Variants in SLC35D3 observed in about 807,000 individuals in gnomAD.
SLC35D3 encodes frc, fringe-like 1.
In SLC35D3, 18 loss-of-function variants were observed where a neutral mutation model predicts 20.3. The ratio of observed to expected loss-of-function variants is 0.89; its 90% confidence interval spans 0.61 to 1.32. The LOEUF (loss-of-function observed/expected upper bound fraction) is 1.32, where lower values mean the gene tolerates loss of function less well. Ranked by LOEUF, SLC35D3 falls within the 40% of genes most tolerant of loss-of-function variation. SLC35D3 has a pLI of 0.00. For synonymous variants in SLC35D3, 313 were observed against 263.5 expected (o/e 1.19, Z -1.82); for missense variants, 556 against 565.5 (o/e 0.98, Z 0.17).
chr6:136,922,912 C>T lies in SLC35D3; in HGVS notation c.439+45C>T, dbSNP rs1237070317. 6.8e-7 allele frequency: 1 copy of T among 1,477,928 alleles called. No homozygotes were observed. The highest frequency in any genetic ancestry group is 8.9e-7 in the Non-Finnish European group (1 of 1,121,884). The allele number at this position is 1,477,928 out of a possible 1,614,324, so 91.6% of individuals were successfully genotyped here. ...GACCCCCAGCCGACCCCACCCACCC[C>T]GCTCCGTCGGGCAGAGACCGCGGGG... On this transcript the variant is annotated intron_variant, in intron 1 of 1. Coordinates refer to ENST00000331858, the MANE Select transcript of SLC35D3 (RefSeq NM_001008783.3). This position sits in a 1 kb window ranked among gnomAD's most constrained non-coding sequence, Gnocchi z 6.8.
In SLC35D3 at chr6:136,924,460, G is replaced by A. The variant is rs766833837; in HGVS notation, c.1015G>A (p.Gly339Arg). ...GCCGTTCGTGATGGAGGAGCTGCCCGGGGAGGGAGGAAATGGCCGGTCAGA... is the reference window on the plus strand; with the variant it reads ...GCCGTTCGTGATGGAGGAGCTGCCCAGGGAGGGAGGAAATGGCCGGTCAGA... The part of the protein sequence containing the change: ...QLPFVMEELP[G>R]EGGNGRSEGG... Residue 339 changes from glycine (G) to arginine (R), a missense_variant, in exon 2 of 2, where the codon GGG becomes AGG. Coordinates refer to ENST00000331858, the MANE Select transcript of SLC35D3 (RefSeq NM_001008783.3). The A allele has an allele frequency of 5.0e-6, 8 of 1,613,746 alleles. No homozygotes were observed. Among genetic ancestry groups the A allele is most frequent in the Non-Finnish European group, 6.8e-6 (8 of 1,179,842 alleles).
rs1351893353 is a variant in SLC35D3 at position 136,922,982 on chromosome 6, CAG to C, written c.439+122_439+123del. On this transcript the variant is annotated intron_variant, in intron 1 of 1. Coordinates refer to ENST00000331858, the MANE Select transcript of SLC35D3 (RefSeq NM_001008783.3). This position sits in a 1 kb window ranked among gnomAD's most constrained non-coding sequence, Gnocchi z 6.8. ...TCACTTCCAGATGGGGAGACTGAGG[CAG>C]AGAGAGCCGGAGAGCTTTGAGAGTG... is the stretch of plus-strand genomic sequence containing the variant. 2 of 1,163,152 alleles carry C rather than the reference CAG, an allele frequency of 1.7e-6. No homozygotes were observed. Among genetic ancestry groups the C allele is most frequent in the Non-Finnish European group, 2.3e-6 (2 of 853,948 alleles). The allele number at this position is 1,163,152 out of a possible 1,614,324, so 72.1% of individuals were successfully genotyped here.
In SLC35D3 at chr6:136,923,067, A is replaced by G. The variant is rs1776085038; in HGVS notation, c.439+200A>G. ...CCAGAGAGCTCCCCAGCGCCCCACCAAGTCCCCCTGCCCCCTAATGTCCTG... is the reference window on the plus strand; with the variant it reads ...CCAGAGAGCTCCCCAGCGCCCCACCGAGTCCCCCTGCCCCCTAATGTCCTG... On this transcript the variant is annotated intron_variant, in intron 1 of 1. Transcript: ENST00000331858. This position sits in a 1 kb window ranked among gnomAD's most constrained non-coding sequence, Gnocchi z 6.2. 6.7e-6 allele frequency among the ~76,000 whole-genome samples: 1 copy of G among 149,888 alleles called. No homozygotes were observed. Among genetic ancestry groups the G allele is most frequent in the South Asian group, 2.2e-4 (1 of 4,620 alleles).
rs368466205 is a variant in SLC35D3 at position 136,924,695 on chromosome 6, G to T, written c.1250G>T (p.Ter417LeuextTer17). The T allele has an allele frequency of 1.2e-6, 2 of 1,606,956 alleles. No homozygotes were observed. The highest frequency in any genetic ancestry group is 1.3e-5 in the African/African-American group (1 of 74,816). ...GAAAACGAGGAGTTACCCAGTCCTT[G>T]AGAAGGAGGTGCATGTACGTACCTA... ...LIENEELPSP[*>L] Residue 417 changes from the stop codon to leucine (L), a stop_lost, in exon 2 of 2, where the codon TGA (stop) becomes TTA (leucine). Coordinates refer to ENST00000331858, the MANE Select transcript of SLC35D3 (RefSeq NM_001008783.3).
rs1582791572 is a variant in SLC35D3 at position 136,925,418 on chromosome 6, T to C, written c.*722T>C. The C allele has an allele frequency of 6.5e-6, 1 of 152,716 alleles. No individual in the cohort carries two copies. The highest frequency in any genetic ancestry group is 1.9e-4 in the East Asian group (1 of 5,190). The allele number at this position is 152,716 out of a possible 1,614,324, so 9.5% of individuals were successfully genotyped here. ...ATTATTGAATGCCAAACCTGTTCTT[T>C]TTTTTACTGTGTCCAATATTCTTTC... On this transcript the variant is annotated 3_prime_UTR_variant, in exon 2 of 2. Coordinates refer to ENST00000331858, the MANE Select transcript of SLC35D3 (RefSeq NM_001008783.3).
chr6:136,923,495 T>C lies in SLC35D3; in HGVS notation c.440-390T>C, dbSNP rs1373011679. 6.6e-6 allele frequency among the ~76,000 whole-genome samples: 1 copy of C among 152,132 alleles called. No homozygotes were observed. The highest frequency in any genetic ancestry group is 1.5e-5 in the Non-Finnish European group (1 of 68,014). ...GCAGGCCACTGGCTGGGGCTCCCTC[T>C]CCCTTTGGTGCCCCACGGGGCAGGG... is the stretch of plus-strand genomic sequence containing the variant. On this transcript the variant is annotated intron_variant, in intron 1 of 1. Coordinates refer to ENST00000331858, the MANE Select transcript of SLC35D3 (RefSeq NM_001008783.3). This position sits in a 1 kb window ranked among gnomAD's most constrained non-coding sequence, Gnocchi z 6.2.
Position 136,922,676 on chromosome 6 carries a change from T to C in SLC35D3, c.248T>C (p.Val83Ala). The C allele has an allele frequency of 1.2e-6, 2 of 1,605,074 alleles. No individual in the cohort carries two copies. Among genetic ancestry groups the C allele is most frequent in the Non-Finnish European group, 1.7e-6 (2 of 1,177,540 alleles). The change falls in exon 1 of 2, where the codon GTG (valine) becomes GCG (alanine). Residue 83 changes from valine to alanine, a missense_variant. By Grantham distance (64) the Val-to-Ala change is moderately conservative. Transcript: ENST00000331858. The surrounding 1 kb of genome is among the most constrained non-coding windows in gnomAD (Gnocchi z 6.8). Reference protein sequence around the residue: ...SLARSFAGVAVLSTLQSSLTL... With the variant: ...SLARSFAGVAALSTLQSSLTL... ...GCGCGCTCCTTCGCGGGGGTCGCGG[T>C]GCTCTCCACGCTGCAGTCCAGCCTC...
In SLC35D3 at chr6:136,923,682, G is replaced by A. The variant is rs964426518; in HGVS notation, c.440-203G>A. On this transcript the variant is annotated intron_variant, in intron 1 of 1. Transcript: ENST00000331858. This position sits in a 1 kb window ranked among gnomAD's most constrained non-coding sequence, Gnocchi z 6.2. The stretch of plus-strand genomic sequence containing the variant: ...GGCGGGAAGGCGCTCTGAGCACTGA[G>A]TTTGGCTGTCGCATTTGACACGGGT... Among the ~76,000 whole-genome samples, 1 of 152,208 alleles carries A rather than the reference G, an allele frequency of 6.6e-6. No homozygotes were observed. Among genetic ancestry groups the A allele is most frequent in the Non-Finnish European group, 1.5e-5 (1 of 68,020 alleles).
rs1039149362 is a variant in SLC35D3, at chr6:136,924,328, A to G, written c.883A>G (p.Ile295Val). The G allele has an allele frequency of 3.3e-5, 54 of 1,614,136 alleles. No homozygotes were observed. Among genetic ancestry groups the G allele is most frequent in the Non-Finnish European group, 4.6e-5 (54 of 1,180,042 alleles). The change falls in exon 2 of 2, where the codon ATC becomes GTC. Residue 295 changes from isoleucine to valine, a missense_variant. Ile to Val is a conservative substitution (Grantham distance 29). Transcript: ENST00000331858. ...AGVVVNTLGS[I>V]IYCVAKFMET... is the part of the protein sequence containing the mutation. ...CGTGGTGGTGAACACCCTGGGCTCT[A>G]TCATTTACTGTGTGGCCAAGTTCAT...
In SLC35D3 at chr6:136,923,358, C is replaced by A. The variant is rs941892326; in HGVS notation, c.439+491C>A. ...GTGTCTCGTGCTGCGCAGGGGGCTGCGGCCCTGGGGCAGACGACCCAGGTG... is the reference window on the plus strand; with the variant it reads ...GTGTCTCGTGCTGCGCAGGGGGCTGAGGCCCTGGGGCAGACGACCCAGGTG... On this transcript the variant is annotated intron_variant, in intron 1 of 1. Coordinates refer to ENST00000331858, the MANE Select transcript of SLC35D3 (RefSeq NM_001008783.3). This position sits in a 1 kb window ranked among gnomAD's most constrained non-coding sequence, Gnocchi z 6.2. 2.4e-4 allele frequency among the ~76,000 whole-genome samples: 37 copies of A among 152,176 alleles called. No homozygotes were observed. The highest frequency in any genetic ancestry group is 8.9e-4 in the African/African-American group (37 of 41,448).
In SLC35D3 at chr6:136,922,353, C is replaced by T. The variant is rs1776072741; in HGVS notation, c.-76C>T. ...GCGCTGGGCGGGCGCCCCCGCCGCC[C>T]TCACTCCGCTGCTCCCGGCTCCTCG... On this transcript the variant is annotated 5_prime_UTR_variant, in exon 1 of 2. Coordinates refer to ENST00000331858, the MANE Select transcript of SLC35D3 (RefSeq NM_001008783.3). This position sits in a 1 kb window ranked among gnomAD's most constrained non-coding sequence, Gnocchi z 6.8. 5.6e-6 allele frequency: 7 copies of T among 1,249,600 alleles called. No individual in the cohort carries two copies. Among genetic ancestry groups the T allele is most frequent in the Non-Finnish European group, 7.0e-6 (7 of 996,120 alleles). 77.4% of individuals were successfully genotyped at this position (1,249,600 alleles called of 1,614,324 possible).
At position 136,922,312 on chromosome 6, in the gene SLC35D3, C is replaced by A. The variant is rs568629866; in HGVS notation, c.-117C>A. Reference sequence around the variant, plus strand: ...GCCCTCTGCAGCCGAGCCGGCGCCCCCTGCCCTTCGCCGCCGCGCTGGGCG... The same window carrying A: ...GCCCTCTGCAGCCGAGCCGGCGCCCACTGCCCTTCGCCGCCGCGCTGGGCG... On this transcript the variant is annotated 5_prime_UTR_variant, in exon 1 of 2. Coordinates refer to ENST00000331858, the MANE Select transcript of SLC35D3 (RefSeq NM_001008783.3). The surrounding 1 kb of genome is among the most constrained non-coding windows in gnomAD (Gnocchi z 6.8). The A allele has an allele frequency of 3.3e-5, 30 of 914,690 alleles. No individual in the cohort carries two copies. The highest frequency in any genetic ancestry group is 8.4e-4 in the Middle Eastern group (2 of 2,386). The allele number at this position is 914,690 out of a possible 1,614,324, so 56.7% of individuals were successfully genotyped here.
chr6:136,924,133 G>A lies in SLC35D3; in HGVS notation c.688G>A (p.Val230Met). 6.2e-7 allele frequency: 1 copy of A among 1,612,696 alleles called. No homozygotes were observed. The highest frequency in any genetic ancestry group is 8.5e-7 in the Non-Finnish European group (1 of 1,180,020). ...WKDPAMVCIFVACILIGCAMN... is the reference protein window; with the variant it reads ...WKDPAMVCIFMACILIGCAMN... ...GGACCCGGCCATGGTCTGCATCTTC[G>A]TGGCCTGCATCCTGATCGGCTGCGC... Residue 230 changes from valine (V) to methionine (M), a missense_variant, in exon 2 of 2, where the codon GTG becomes ATG. Transcript: ENST00000331858.
chr6:136,922,728 CCTGCCCATGTA>C lies in SLC35D3; in HGVS notation c.302_312del (p.Leu101ArgfsTer274). 1 of 1,582,168 alleles carries C rather than the reference CCTGCCCATGTA, an allele frequency of 6.3e-7. No homozygotes were observed. The highest frequency in any genetic ancestry group is 2.3e-5 in the East Asian group (1 of 42,980). ...CGCTCTGGTCCCTGCGCGGCCTCAG[CCTGCCCATGTA>C]CGTGGTCTTCAAGCGCTGCCTGCCC... On this transcript the variant is annotated frameshift_variant, in exon 1 of 2. Coordinates refer to ENST00000331858, the MANE Select transcript of SLC35D3 (RefSeq NM_001008783.3). LOFTEE classifies it high-confidence loss of function. This position sits in a 1 kb window ranked among gnomAD's most constrained non-coding sequence, Gnocchi z 6.8.
chr6:136,922,636 T>A lies in SLC35D3; in HGVS notation c.208T>A (p.Phe70Ile). 1 of 1,609,870 alleles carries A rather than the reference T, an allele frequency of 6.2e-7. No homozygotes were observed. The highest frequency in any genetic ancestry group is 8.5e-7 in the Non-Finnish European group (1 of 1,179,478). ...CCTCGGGCTCATCGCCGTGCCCCCC[T>A]TCGGTCTGAGCCTGGCGCGCTCCTT... ...RRLGLIAVPP[F>I]GLSLARSFAG... is the part of the protein sequence containing the mutation. The change falls in exon 1 of 2, where the codon TTC becomes ATC. Residue 70 changes from phenylalanine (F) to isoleucine (I), a missense_variant. Coordinates refer to ENST00000331858, the MANE Select transcript of SLC35D3 (RefSeq NM_001008783.3). The surrounding 1 kb of genome is among the most constrained non-coding windows in gnomAD (Gnocchi z 6.8).
Position 136,922,866 on chromosome 6 carries a change from A to T in SLC35D3, c.438A>T (p.Ala146=). ...TCACCACCTGCGGCGCCGCCCTGGCAGGTGAGCGGGCCCCCGCGCCGACCC... is the reference window on the plus strand; with the variant it reads ...TCACCACCTGCGGCGCCGCCCTGGCTGGTGAGCGGGCCCCCGCGCCGACCC... ...VLITTCGAAL[A]GAGDLTGDPI... The change falls in exon 1 of 2, where the codon GCA becomes GCT. Residue 146 remains alanine (A), a splice_region_variant and synonymous_variant. Transcript: ENST00000331858. This position sits in a 1 kb window ranked among gnomAD's most constrained non-coding sequence, Gnocchi z 6.8. 3 of 1,531,476 alleles carry T rather than the reference A, an allele frequency of 2.0e-6. No homozygotes were observed. The highest frequency in any genetic ancestry group is 2.6e-6 in the Non-Finnish European group (3 of 1,143,496). The allele number at this position is 1,531,476 out of a possible 1,614,324, so 94.9% of individuals were successfully genotyped here. A position where few individuals can be genotyped will look rare whatever the true frequency, so the allele number is the denominator to read the frequency against.
In SLC35D3 at chr6:136,923,869, T is replaced by C. The variant is rs1486740412; in HGVS notation, c.440-16T>C. 4.0e-6 allele frequency: 6 copies of C among 1,497,904 alleles called. No individual in the cohort carries two copies. Among genetic ancestry groups the C allele is most frequent in the Non-Finnish European group, 5.3e-6 (6 of 1,122,460 alleles). 92.8% of individuals were successfully genotyped at this position (1,497,904 alleles called of 1,614,324 possible). A position where few individuals can be genotyped will look rare whatever the true frequency, so the allele number is the denominator to read the frequency against. On this transcript the variant is annotated splice_polypyrimidine_tract_variant and intron_variant, in intron 1 of 1. Coordinates refer to ENST00000331858, the MANE Select transcript of SLC35D3 (RefSeq NM_001008783.3). This position sits in a 1 kb window ranked among gnomAD's most constrained non-coding sequence, Gnocchi z 6.2. ...CCTTCCCGCCCGGGCTCGGCCGTCC[T>C]CCTCGTGCGCCGCAGGAGCCGGCGA...
In SLC35D3 at chr6:136,923,167, C is replaced by T. The variant is rs972849595; in HGVS notation, c.439+300C>T. ...CCCTCTCCTGGTCTTCCCCTGTCAC[C>T]CCATTCTCCGGGAGAGGTGGGAGGG... is the stretch of plus-strand genomic sequence containing the variant. On this transcript the variant is annotated intron_variant, in intron 1 of 1. Transcript: ENST00000331858. The surrounding 1 kb of genome is among the most constrained non-coding windows in gnomAD (Gnocchi z 6.2). 2.6e-5 allele frequency among the ~76,000 whole-genome samples: 4 copies of T among 152,178 alleles called. No individual in the cohort carries two copies. The highest frequency in any genetic ancestry group is 5.9e-5 in the Non-Finnish European group (4 of 68,030).
In SLC35D3 at chr6:136,923,009, G is replaced by A; in HGVS notation, c.439+142G>A. ...GAGAGAGCCGGAGAGCTTTGAGAGTGGTCGCTCAGCTCGCAAAAGGGACTT... is the reference window on the plus strand; with the variant it reads ...GAGAGAGCCGGAGAGCTTTGAGAGTAGTCGCTCAGCTCGCAAAAGGGACTT... On this transcript the variant is annotated intron_variant, in intron 1 of 1. Coordinates refer to ENST00000331858, the MANE Select transcript of SLC35D3 (RefSeq NM_001008783.3). This position sits in a 1 kb window ranked among gnomAD's most constrained non-coding sequence, Gnocchi z 6.2. 1 of 990,560 alleles carries A rather than the reference G, an allele frequency of 1.0e-6. No homozygotes were observed. The highest frequency in any genetic ancestry group is 1.4e-6 in the Non-Finnish European group (1 of 700,466). 61.4% of individuals were successfully genotyped at this position (990,560 alleles called of 1,614,324 possible).
Sources: allele counts gnomAD v4.1 joint callset (sites outside exome capture counted in the v4.1 genomes callset), GRCh38; gene constraint gnomAD v4.1.1; non-coding constraint Gnocchi (gnomAD v3.1); transcripts MANE v1.5; gene names NCBI Gene and HGNC (gene_info 2026-07-23, HGNC 2026-07-21).